CTNND2: variants seen among roughly 807,000 people sequenced by gnomAD.
The protein encoded by CTNND2 is catenin delta-2.
Under a neutral mutation model 144.4 loss-of-function variants are expected in CTNND2, and 22 were observed. That is an observed-to-expected ratio of 0.15 (90% confidence interval 0.11 to 0.22). CTNND2 has a LOEUF of 0.22. CTNND2 is among the 10% of genes least tolerant of loss of function. The probability of loss-of-function intolerance (pLI) is 1.00; values close to 1 mark genes in which losing one functional copy is unlikely to be tolerated. For synonymous variants in CTNND2, 751 were observed against 695.6 expected (o/e 1.08, Z -1.25); for missense variants, 1,353 against 1,618.8 (o/e 0.84, Z 2.82).
intron 13 of CTNND2, among the ~76,000 whole-genome samples, chr5:11,113,385 A>G (rs1753202811): frequency 6.6e-6 from 1 of 152,154 alleles, no homozygotes; most frequent in South Asian, 2.1e-4. Flanking sequence ...ACCCAGGCCC[A>G]TTTGTTTATG....
At chr5:11,581,450 G>A (rs1396981950) in intron 2 of CTNND2, among the ~76,000 whole-genome samples, 2 of 152,084 alleles carry the variant, frequency 1.3e-5, no homozygotes, top group Non-Finnish European at 2.9e-5. Flanking sequence ...TCTTTTTCAG[G>A]TTGATAGTGA....
At chr5:11,301,958 A>G (rs935487473) in intron 9 of CTNND2, among the ~76,000 whole-genome samples, 1 of 152,018 alleles carries the variant, frequency 6.6e-6, no homozygotes, top group Non-Finnish European at 1.5e-5. Context: ...GTCCTTGAGG[A>G]AGAGGGAGTG....
intron 21 of CTNND2, among the ~76,000 whole-genome samples, chr5:10,979,981 G>A (rs1482275940): frequency 2.0e-5 from 3 of 152,140 alleles, no homozygotes; most frequent in Admixed American, 1.3e-4. Flanking sequence ...TACCATTCAG[G>A]ATGTAGGCAT....
At chr5:11,055,243 T>C (rs1440531027) in intron 16 of CTNND2, among the ~76,000 whole-genome samples, 1 of 152,240 alleles carries the variant, frequency 6.6e-6, no homozygotes, top group Admixed American at 6.5e-5. Context: ...CAGAATGGCA[T>C]AAAGGTTACT....
At chr5:11,568,507 T>G (rs1199964225) in intron 2 of CTNND2, among the ~76,000 whole-genome samples, 1 of 152,080 alleles carries the variant, frequency 6.6e-6, no homozygotes, top group Non-Finnish European at 1.5e-5. Flanking sequence ...CTCTTTGGAG[T>G]TGATAACTGA....
chr5:11,047,385 A>C (rs1745374084), intron 16 of CTNND2, among the ~76,000 whole-genome samples: 1 of 152,156 alleles, frequency 6.6e-6, no homozygotes, highest in Admixed American at 6.5e-5. Flanking sequence ...TTCCCACGTA[A>C]AAGGCATTGT....
At chr5:11,762,679 C>A (rs10067440) in intron 1 of CTNND2, among the ~76,000 whole-genome samples, 11,625 of 152,142 alleles carry the variant, frequency 0.076, 1,186 homozygotes, top group African/African-American at 0.23. Flanking sequence ...CAGGCCTTCA[C>A]GAATAATAAG....
intron 9 of CTNND2, among the ~76,000 whole-genome samples, chr5:11,316,469 TTATTATTA>T (rs1156439017): frequency 1.4e-4 from 1 of 6,938 alleles, no homozygotes; most frequent in Non-Finnish European, 2.6e-4. Context: ...CCACTATTTT[TTATTATTA>T]TTATTATTAT....
At chr5:11,152,762 A>C (rs982075490) in intron 12 of CTNND2, among the ~76,000 whole-genome samples, 4 of 152,146 alleles carry the variant, frequency 2.6e-5, no homozygotes, top group Non-Finnish European at 5.9e-5. Context: ...CTCCCATCGA[A>C]GAGGACTGTC....
chr5:11,627,591 T>C (rs996644860), intron 2 of CTNND2, among the ~76,000 whole-genome samples: 3 of 151,884 alleles, frequency 2.0e-5, no homozygotes, highest in African/African-American at 4.8e-5. Flanking sequence ...AATGTGGAAA[T>C]AGTATTTGCT....
chr5:11,052,149 A>G (rs982087107), intron 16 of CTNND2, among the ~76,000 whole-genome samples: 1 of 152,160 alleles, frequency 6.6e-6, no homozygotes, highest in African/African-American at 2.4e-5. Context: ...GGGCTGTTAG[A>G]TGGAAATACA....
intron 9 of CTNND2, among the ~76,000 whole-genome samples, chr5:11,254,167 C>T (rs1743960407): frequency 6.6e-6 from 1 of 152,152 alleles, no homozygotes; most frequent in African/African-American, 2.4e-5. Flanking sequence ...ATGGGATTTA[C>T]TAGTTGCTCA....
chr5:11,105,627 T>A (rs1453891043), intron 14 of CTNND2, among the ~76,000 whole-genome samples: 1 of 152,200 alleles, frequency 6.6e-6, no homozygotes, highest in Non-Finnish European at 1.5e-5. Flanking sequence ...GAAACAGAGT[T>A]TTAAGTCTAT....
rs570496835 is a variant in CTNND2 at position 11,361,044 on chromosome 5, G to C, written c.1372+3652C>G. ...GTTTATTTATTTATTTATTTAGATG[G>C]AGTTTCACTCTTGTTGCCCAGGCTG... On this transcript the variant is annotated intron_variant, in intron 8 of 21. Coordinates refer to ENST00000304623, the MANE Select transcript of CTNND2 (RefSeq NM_001332.4). Among the ~76,000 whole-genome samples the C allele has an allele frequency of 9.5e-4, 145 of 152,180 alleles. 1 individual carries two copies. The highest frequency in any genetic ancestry group is 3.3e-3 in the African/African-American group (137 of 41,520).
At chr5:11,643,871 C>T (rs79202259) in intron 2 of CTNND2, among the ~76,000 whole-genome samples, 3,471 of 151,918 alleles carry the variant, frequency 0.023, 113 homozygotes, top group African/African-American at 0.078. Context: ...TGAAGTAAAA[C>T]GAAAGAATTT....
intron 2 of CTNND2, among the ~76,000 whole-genome samples, chr5:11,638,215 G>C (rs917234086): frequency 1.3e-5 from 2 of 152,108 alleles, no homozygotes; most frequent in African/African-American, 4.8e-5. Context: ...TTTGCCACCG[G>C]ACTGTGTTAT....
At position 11,385,239 on chromosome 5, in the gene CTNND2, G is replaced by C; in HGVS notation, c.613-10C>G. 9.4e-7 allele frequency: 1 copy of C among 1,059,256 alleles called. No homozygotes were observed. Among genetic ancestry groups the C allele is most frequent in the Admixed American group, 5.5e-5 (1 of 18,268 alleles). 65.6% of individuals were successfully genotyped at this position (1,059,256 alleles called of 1,614,324 possible). On this transcript the variant is annotated splice_polypyrimidine_tract_variant and intron_variant, in intron 6 of 21. Coordinates refer to ENST00000304623, the MANE Select transcript of CTNND2 (RefSeq NM_001332.4). Reference sequence around the variant, plus strand: ...CGCGGCTGGTCGTGCCCTGTGCCCGGGAGAGGAGAGAACACGCGCACTTAG... The same window carrying C: ...CGCGGCTGGTCGTGCCCTGTGCCCGCGAGAGGAGAGAACACGCGCACTTAG...
intron 9 of CTNND2, among the ~76,000 whole-genome samples, chr5:11,306,995 A>G (rs1580856010): frequency 6.6e-6 from 1 of 152,080 alleles, no homozygotes; most frequent in East Asian, 1.9e-4. Flanking sequence ...GTTGTTACCA[A>G]CATCCTAGGG....
Position 11,801,812 on chromosome 5 carries a change from T to G in CTNND2, c.38-69540A>C, listed in dbSNP as rs73054712. Among the ~76,000 whole-genome samples the G allele has an allele frequency of 4.9e-3, 744 of 152,288 alleles. 9 individuals are homozygous for G. The highest frequency in any genetic ancestry group is 0.017 in the African/African-American group (725 of 41,568). ...TCTGAGTTGCATATAGTGATCTAAA[T>G]AGCAAATGTGTATTTTACAGTGATT... On this transcript the variant is annotated intron_variant, in intron 1 of 21. Coordinates refer to ENST00000304623, the MANE Select transcript of CTNND2 (RefSeq NM_001332.4).
Sources: gnomAD v4.1 joint callset for allele counts (sites outside exome capture counted in the v4.1 genomes callset) on GRCh38, gnomAD v4.1.1 for gene constraint, MANE v1.5 for transcripts, NCBI Gene and HGNC (gene_info 2026-07-23, HGNC 2026-07-21) for gene names.